The following MAPRE2 variants were observed in gnomAD, a reference collection of about 807,000 sequenced individuals.
MAPRE2 encodes microtubule-associated protein RP/EB family member 2.
A neutral mutation model predicts 43.2 loss-of-function variants in MAPRE2; 13 were observed. The observed-to-expected ratio is 0.30, with a 90% confidence interval of 0.20 to 0.48. MAPRE2 has a LOEUF of 0.48. MAPRE2 is among the 20% of genes least tolerant of loss of function. The pLI is 0.99. For missense variants in MAPRE2, 161 were observed against 400.2 expected (o/e 0.40, Z 5.10); for synonymous variants, 135 against 148.8 (o/e 0.91, Z 0.68).
chr18:35,037,360 A>G (rs2097051082), upstream of MAPRE2, among the ~76,000 whole-genome samples: 1 of 152,230 alleles, frequency 6.6e-6, no homozygotes, highest in African/African-American at 2.4e-5. Context: ...CAGCAGCACT[A>G]TGGAGAAACC....
At chr18:35,056,436 G>T (rs1906237691) in intron 1 of MAPRE2, among the ~76,000 whole-genome samples, 1 of 152,122 alleles carries the variant, frequency 6.6e-6, no homozygotes. Context: ...AAAAAGAAAA[G>T]AAAACTTATA....
intron 4 of MAPRE2, among the ~76,000 whole-genome samples, chr18:35,107,342 T>C (rs529098486): frequency 6.6e-6 from 1 of 152,300 alleles, no homozygotes; most frequent in South Asian, 2.1e-4. Flanking sequence ...TATTTGAATA[T>C]TCTCACTCAA....
intron 2 of MAPRE2, among the ~76,000 whole-genome samples, chr18:35,076,088 T>C (rs777715448): frequency 3.3e-5 from 5 of 151,768 alleles, no homozygotes; most frequent in Non-Finnish European, 7.4e-5. Context: ...TGCTCTATAA[T>C]TTTTTTTACA....
intron 2 of MAPRE2, among the ~76,000 whole-genome samples, chr18:35,016,866 A>AAATT (rs1184360159): frequency 6.6e-6 from 1 of 151,962 alleles, no homozygotes; most frequent in African/African-American, 2.4e-5. Flanking sequence ...ATTTAGTCAT[A>AAATT]AATTATTCCT....
intron 2 of MAPRE2, among the ~76,000 whole-genome samples, chr18:35,016,211 C>G (rs28435643): frequency 0.077 from 11,617 of 151,842 alleles, 1,013 homozygotes; most frequent in African/African-American, 0.22. Flanking sequence ...TGGATAGACT[C>G]CTAGGCAGAT....
intron 2 of MAPRE2, among the ~76,000 whole-genome samples, chr18:35,023,290 A>C (rs913327938): frequency 1.3e-5 from 2 of 152,032 alleles, no homozygotes; most frequent in African/African-American, 4.8e-5. Flanking sequence ...AGGTGGGTGG[A>C]TCATGAGGTC....
At chr18:35,030,615 A>G (rs573622775) in intron 2 of MAPRE2, among the ~76,000 whole-genome samples, 67 of 152,350 alleles carry the variant, frequency 4.4e-4, no homozygotes, top group African/African-American at 1.5e-3. Context: ...GGCCCATAAA[A>G]AGTATTCAAA....
At chr18:35,035,664 T>C (rs897165021) in intron 2 of MAPRE2, among the ~76,000 whole-genome samples, 1 of 150,952 alleles carries the variant, frequency 6.6e-6, no homozygotes, top group African/African-American at 2.4e-5. Flanking sequence ...TCTTTCCTTA[T>C]CTGATTCATA....
chr18:35,107,930 T>C (rs911317283), intron 4 of MAPRE2, among the ~76,000 whole-genome samples: 2 of 152,090 alleles, frequency 1.3e-5, no homozygotes, highest in African/African-American at 4.8e-5. Context: ...TGTATTTTAG[T>C]GCTCTATTAC....
chr18:34,980,182 T>G (rs911172111), intron 1 of MAPRE2, among the ~76,000 whole-genome samples: 3 of 151,864 alleles, frequency 2.0e-5, no homozygotes, highest in African/African-American at 7.3e-5. Flanking sequence ...CACATCATCA[T>G]GCCCAGCTAA....
At chr18:35,086,678 T>C (rs1254071520) in intron 2 of MAPRE2, among the ~76,000 whole-genome samples, 1 of 152,076 alleles carries the variant, frequency 6.6e-6, no homozygotes, top group African/African-American at 2.4e-5. Context: ...AGGAATGTTT[T>C]TCTTAAAAAA....
At chr18:35,091,344 C>T (rs1013158294) in intron 2 of MAPRE2, among the ~76,000 whole-genome samples, 7 of 152,098 alleles carry the variant, frequency 4.6e-5, no homozygotes, top group Admixed American at 2.6e-4. Context: ...GAAGCATAAA[C>T]GATTTTCATG....
At chr18:35,136,448 T>A (rs962115925) in intron 6 of MAPRE2, among the ~76,000 whole-genome samples, 1 of 152,208 alleles carries the variant, frequency 6.6e-6, no homozygotes, top group African/African-American at 2.4e-5. Flanking sequence ...AACTGGAATA[T>A]GTGTCAGATG....
chr18:35,106,373 T>C (rs147851014), intron 4 of MAPRE2, among the ~76,000 whole-genome samples: 6 of 152,246 alleles, frequency 3.9e-5, no homozygotes, highest in African/African-American at 9.6e-5. Flanking sequence ...CTAACTATTA[T>C]ACAGTAAGAG....
At chr18:35,004,475 G>A (rs980131184) in intron 1 of MAPRE2, among the ~76,000 whole-genome samples, 1 of 152,058 alleles carries the variant, frequency 6.6e-6, no homozygotes, top group African/African-American at 2.4e-5. Flanking sequence ...CTCCGTAACC[G>A]TTCATCCCCC....
intron 1 of MAPRE2, among the ~76,000 whole-genome samples, chr18:35,046,510 G>A (rs1905628594): frequency 6.6e-6 from 1 of 152,240 alleles, no homozygotes; most frequent in South Asian, 2.1e-4. Context: ...CTGGCCAGGT[G>A]TGTTGGGCAG....
At chr18:34,981,888 T>A (rs1292286401) in intron 1 of MAPRE2, among the ~76,000 whole-genome samples, 19 of 26,588 alleles carry the variant, frequency 7.1e-4, no homozygotes, top group African/African-American at 1.1e-3. Context: ...TTTTTATTTA[T>A]TTTTTTTTTT....
At chr18:35,095,264 CAG>C (rs1466689453) in intron 2 of MAPRE2, among the ~76,000 whole-genome samples, 1 of 151,868 alleles carries the variant, frequency 6.6e-6, no homozygotes, top group Non-Finnish European at 1.5e-5. Flanking sequence ...TTAAGTGACT[CAG>C]AAAGAGAATT....
chr18:35,101,623 A>C (rs926840023), intron 3 of MAPRE2, among the ~76,000 whole-genome samples: 2 of 152,184 alleles, frequency 1.3e-5, no homozygotes, highest in Non-Finnish European at 2.9e-5. Context: ...CCCACAAATA[A>C]GTGAAAATGT....
Sources: gnomAD v4.1 joint callset for allele counts (sites outside exome capture counted in the v4.1 genomes callset) on GRCh38, gnomAD v4.1.1 for gene constraint, MANE v1.5 for transcripts, NCBI Gene and HGNC (gene_info 2026-07-23, HGNC 2026-07-21) for gene names.